The following EPDR1 variants were observed in gnomAD, a reference collection of about 807,000 sequenced individuals.
The protein encoded by EPDR1 is mammalian ependymin-related protein 1.
In EPDR1, 27 loss-of-function variants were observed where a neutral mutation model predicts 23.7. The ratio of observed to expected loss-of-function variants is 1.14; its 90% CI spans 0.84 to 1.57. EPDR1 has a LOEUF of 1.57. EPDR1 is among the 40% of genes most tolerant of loss of function. The probability of loss-of-function intolerance (pLI) is 0.00; values close to 1 mark genes in which losing one functional copy is unlikely to be tolerated. For synonymous variants in EPDR1, 137 were observed against 118.2 expected, an observed-to-expected ratio of 1.16 and a Z score of -1.03; for missense variants, 349 against 290.4, an observed-to-expected ratio of 1.20 and a Z score of -1.47.
chr7:37,926,576 T>A, intron 1 of EPDR1: 1 of 400,534 alleles, frequency 2.5e-6, no homozygotes, highest in Non-Finnish European at 5.2e-6. Context: ...TAAGTCTTCC[T>A]TGCACTTTAG....
intron 1 of EPDR1, among the ~76,000 whole-genome samples, chr7:37,933,976 CT>C (rs576903776): frequency 0.23 from 30,451 of 132,926 alleles, 2,346 homozygotes; most frequent in East Asian, 0.28. Flanking sequence ...TTCTGCCATT[CT>C]TTTTTTTTTT....
intron 1 of EPDR1, 128 bp downstream of exon 1, chr7:37,921,336 C>T (rs770064843): frequency 7.0e-7 from 1 of 1,423,678 alleles, no homozygotes; most frequent in South Asian, 1.5e-5. Context: ...CCAGAGAGAT[C>T]TTTCGCGAGG....
chr7:37,922,327 A>G (rs1459911612), intron 1 of EPDR1, among the ~76,000 whole-genome samples: 1 of 152,214 alleles, frequency 6.6e-6, no homozygotes, highest in Non-Finnish European at 1.5e-5. Context: ...GACCCTTTCA[A>G]ACAATATCAA....
intron 1 of EPDR1, among the ~76,000 whole-genome samples, chr7:37,938,564 T>C (rs1218986080): frequency 2.6e-5 from 4 of 152,194 alleles, no homozygotes; most frequent in Admixed American, 2.0e-4. Context: ...ACATGCAAAA[T>C]GCCTTGAGCA....
At chr7:37,936,688 A>T (rs1447194915) in intron 1 of EPDR1, among the ~76,000 whole-genome samples, 1 of 152,134 alleles carries the variant, frequency 6.6e-6, no homozygotes, top group Admixed American at 6.5e-5. Flanking sequence ...CTAGAATGAT[A>T]GTGTAAGAGA....
chr7:37,924,658 T>A (rs1011245437), intron 1 of EPDR1, among the ~76,000 whole-genome samples: 3 of 152,238 alleles, frequency 2.0e-5, no homozygotes, highest in African/African-American at 7.2e-5. Flanking sequence ...AAAGACATTG[T>A]TTTCCCTTTC....
At position 37,921,810 on chromosome 7, in the gene EPDR1, T is replaced by C. The variant is rs563191497; in HGVS notation, c.269+602T>C. Among the ~76,000 whole-genome samples, 16 of 152,350 alleles carry C rather than the reference T, an allele frequency of 1.1e-4. No individual in the cohort carries two copies. The East Asian group carries it at 2.7e-3, about 26-fold the overall frequency. On this transcript the variant is annotated intron_variant, in intron 1 of 2. Transcript: ENST00000199448. ...ATTTTAAAGCAAATTTTACATACTA[T>C]GATCAAAAGCCATACGTTATCTGAA...
chr7:37,945,441 T>C (rs1375167647), intron 1 of EPDR1, among the ~76,000 whole-genome samples: 1 of 152,216 alleles, frequency 6.6e-6, no homozygotes, highest in Non-Finnish European at 1.5e-5. Context: ...AATGATGTCA[T>C]GTTTATATTT....
At chr7:37,924,475 C>T (rs1307938017) in intron 1 of EPDR1, among the ~76,000 whole-genome samples, 1 of 152,186 alleles carries the variant, frequency 6.6e-6, no homozygotes, top group Non-Finnish European at 1.5e-5. Context: ...GTCTGAGCAA[C>T]CCTTCTTCCA....
At chr7:37,943,576 A>G (rs1231074806) in intron 1 of EPDR1, among the ~76,000 whole-genome samples, 2 of 152,238 alleles carry the variant, frequency 1.3e-5, no homozygotes, top group Non-Finnish European at 2.9e-5. Flanking sequence ...ACTAGCATTT[A>G]TATCCACATG....
intron 1 of EPDR1, among the ~76,000 whole-genome samples, chr7:37,943,587 G>T (rs926710993): frequency 2.6e-5 from 4 of 152,040 alleles, no homozygotes; most frequent in African/African-American, 9.6e-5. Context: ...TATCCACATG[G>T]GATTTTGAAA....
intron 1 of EPDR1, among the ~76,000 whole-genome samples, chr7:37,927,392 A>C (rs753853711): frequency 1.3e-5 from 2 of 150,226 alleles, no homozygotes; most frequent in Admixed American, 6.6e-5. Context: ...TTTTCCTTTC[A>C]TTTTTGCTAC....
At chr7:37,947,824 G>T (rs1213750064) in intron 1 of EPDR1, among the ~76,000 whole-genome samples, 1 of 152,196 alleles carries the variant, frequency 6.6e-6, no homozygotes, top group African/African-American at 2.4e-5. Flanking sequence ...ATACTGCATG[G>T]CTGGTGACTC....
chr7:37,949,324 A>AG (rs565614075), intron 2 of EPDR1, among the ~76,000 whole-genome samples: 4 of 152,128 alleles, frequency 2.6e-5, no homozygotes, highest in Non-Finnish European at 1.5e-5. Context: ...GGTCGTCCCG[A>AG]GGTCTGTGAC....
intron 1 of EPDR1, among the ~76,000 whole-genome samples, chr7:37,933,651 G>T (rs1785988099): frequency 6.6e-6 from 1 of 152,156 alleles, no homozygotes; most frequent in African/African-American, 2.4e-5. Context: ...GGCAGTAGCT[G>T]CTCAGGTTCA....
At chr7:37,926,599 T>C (rs12666164) in intron 1 of EPDR1, 122,851 of 435,872 alleles carry the variant, frequency 0.28, 19,763 homozygotes, top group Non-Finnish European at 0.36. Flanking sequence ...CTTTTAAAGA[T>C]TGCAGGCCAG....
At position 37,923,280 on chromosome 7, in the gene EPDR1, C is replaced by T. The variant is rs565977916; in HGVS notation, c.269+2072C>T. On this transcript the variant is annotated intron_variant, in intron 1 of 2. Transcript: ENST00000199448. ...GGTCCAGGTGAGAGATGGGTAGTAG[C>T]GATGGAAATGGTGAACAGGGGGCAA... 6.8e-4 allele frequency among the ~76,000 whole-genome samples: 104 copies of T among 152,150 alleles called. 4 individuals are homozygous for T. The South Asian group carries it at 0.021, about 30-fold the overall frequency.
chr7:37,948,215 A>G (rs191387812), intron 1 of EPDR1, among the ~76,000 whole-genome samples: 1 of 152,258 alleles, frequency 6.6e-6, no homozygotes, highest in East Asian at 1.9e-4. Flanking sequence ...GTGGGTAAAC[A>G]AAAGTTCACA....
chr7:37,932,596 A>G (rs1366879103), intron 1 of EPDR1, among the ~76,000 whole-genome samples: 1 of 152,224 alleles, frequency 6.6e-6, no homozygotes, highest in Non-Finnish European at 1.5e-5. Flanking sequence ...GCGTGAGTTT[A>G]TATTTCAACA....
Sources: allele counts gnomAD v4.1 joint callset (sites outside exome capture counted in the v4.1 genomes callset), GRCh38; gene constraint gnomAD v4.1.1; transcripts MANE v1.5; gene names NCBI Gene and HGNC (gene_info 2026-07-23, HGNC 2026-07-21).